The following RNF144A variants were observed in gnomAD, a reference collection of about 807,000 sequenced individuals.
RNF144A encodes ring finger protein 144A.
In RNF144A, 11 loss-of-function variants were observed where a neutral mutation model predicts 38.7. The ratio of observed to expected loss-of-function variants is 0.28; its 90% CI spans 0.18 to 0.47. RNF144A has a LOEUF of 0.47. RNF144A is among the 20% of genes least tolerant of loss of function. The pLI, the probability that RNF144A is intolerant of heterozygous loss-of-function variation, is 0.99. For missense variants in RNF144A, 316 were observed against 377.2 expected (o/e 0.84, Z 1.34); for synonymous variants, 149 against 143.9 (o/e 1.04, Z -0.25).
rs1666192103 is a variant in RNF144A at position 6,944,159 on chromosome 2, A to C, written c.-12+3012A>C. On this transcript the variant is annotated intron_variant, in intron 2 of 8. Coordinates refer to ENST00000320892, the MANE Select transcript of RNF144A (RefSeq NM_014746.6). The surrounding 1 kb of genome is among the most constrained non-coding windows in gnomAD (Gnocchi z 4.7). ...GGACAGCGGGTCTGAGGGAGGAAGG[A>C]GCAGAGGAGGAGCCATTGGAGATGC... is the stretch of plus-strand genomic sequence containing the variant. Among the ~76,000 whole-genome samples, 1 of 152,090 alleles carries C rather than the reference A, an allele frequency of 6.6e-6. No individual in the cohort carries two copies. The highest frequency in any genetic ancestry group is 2.1e-4 in the South Asian group (1 of 4,822).
At chr2:6,925,809 A>G (rs1233679951) in intron 1 of RNF144A, among the ~76,000 whole-genome samples, 1 of 152,170 alleles carries the variant, frequency 6.6e-6, no homozygotes, top group Non-Finnish European at 1.5e-5. Flanking sequence ...ATTCATAAGC[A>G]TCAGGGGTTA....
In RNF144A at chr2:7,043,297, C is replaced by A. The variant is rs549019551; in HGVS notation, c.*3537C>A. ...ACTATCAGAGATGCAAAAATTACTT[C>A]AAGATGAGTTTATTGTTTTCATTTG... is the stretch of plus-strand genomic sequence containing the variant. On this transcript the variant is annotated 3_prime_UTR_variant, in exon 9 of 9. Transcript: ENST00000320892. 1 of 985,176 alleles carries A rather than the reference C, an allele frequency of 1.0e-6. No homozygotes were observed. The highest frequency in any genetic ancestry group is 1.1e-4 in the East Asian group (1 of 8,814). 61.0% of individuals were successfully genotyped at this position (985,176 alleles called of 1,614,324 possible). A position where few individuals can be genotyped will look rare whatever the true frequency, so the allele number is the denominator to read the frequency against.
At chr2:7,030,536 C>T (rs1013698225) in intron 8 of RNF144A, among the ~76,000 whole-genome samples, 8 of 151,954 alleles carry the variant, frequency 5.3e-5, no homozygotes, top group African/African-American at 1.7e-4. Context: ...ACCTGCTGAC[C>T]GTGTTTAGGT....
chr2:7,053,871 A>G (rs1673622320), intron 6 of RNF144A, among the ~76,000 whole-genome samples: 1 of 152,220 alleles, frequency 6.6e-6, no homozygotes, highest in Non-Finnish European at 1.5e-5. Flanking sequence ...CATTTGAGAA[A>G]GATATAACTG....
chr2:7,049,760 G>A (rs1673444804), intron 6 of RNF144A, among the ~76,000 whole-genome samples: 1 of 152,210 alleles, frequency 6.6e-6, no homozygotes, highest in Non-Finnish European at 1.5e-5. Context: ...CCAATTAGGA[G>A]ATGAAGACGA....
intron 1 of RNF144A, among the ~76,000 whole-genome samples, chr2:6,920,313 A>G (rs969488456): frequency 6.6e-6 from 1 of 152,194 alleles, no homozygotes; most frequent in Non-Finnish European, 1.5e-5. Context: ...CACCTGGCCT[A>G]TGAACCCTTG....
At chr2:6,993,634 G>A (rs533243478) in intron 2 of RNF144A, among the ~76,000 whole-genome samples, 6 of 152,150 alleles carry the variant, frequency 3.9e-5, no homozygotes, top group African/African-American at 7.2e-5. Context: ...TCTGGGTAAT[G>A]CGTTCTCGGG....
chr2:7,046,743 C>T (rs887917052), downstream of RNF144A, among the ~76,000 whole-genome samples: 5 of 152,098 alleles, frequency 3.3e-5, no homozygotes, highest in Non-Finnish European at 7.4e-5. Context: ...AGTGGTTGTG[C>T]GTACAGCCTG....
chr2:6,939,974 A>G (rs1335967956), intron 1 of RNF144A, among the ~76,000 whole-genome samples: 2 of 152,148 alleles, frequency 1.3e-5, no homozygotes, highest in Non-Finnish European at 2.9e-5. Flanking sequence ...GTAAGTTTTG[A>G]CATTAAGAAG....
At chr2:7,044,839 A>G (rs1673236094), downstream of RNF144A, among the ~76,000 whole-genome samples, 1 of 152,218 alleles carries the variant, frequency 6.6e-6, no homozygotes, top group Non-Finnish European at 1.5e-5. Context: ...CTACAGGTGC[A>G]CATTAAGGGA....
Position 6,962,885 on chromosome 2 carries a change from T to C in RNF144A, c.-12+21738T>C, listed in dbSNP as rs748755058. Among the ~76,000 whole-genome samples, 61 of 152,104 alleles carry C rather than the reference T, an allele frequency of 4.0e-4. 2 individuals carry two copies. The highest frequency in any genetic ancestry group is 2.0e-4 in the Admixed American group (3 of 15,266). Reference sequence around the variant, plus strand: ...TGCCATCATGATGCCAGTGTTGAATTTGTGGTGGTCTTTGAACTGTGATTG... The same window carrying C: ...TGCCATCATGATGCCAGTGTTGAATCTGTGGTGGTCTTTGAACTGTGATTG... On this transcript the variant is annotated intron_variant, in intron 2 of 8. Coordinates refer to ENST00000320892, the MANE Select transcript of RNF144A (RefSeq NM_014746.6). The surrounding 1 kb of genome is among the most constrained non-coding windows in gnomAD (Gnocchi z 4.1).
At position 6,923,765 on chromosome 2, in the gene RNF144A, T is replaced by C. The variant is rs149084653; in HGVS notation, c.-212+6143T>C. ...TCTCTCTCGTCTTCCCAGGCACAAA[T>C]GTTTTCCCCACCAGGTGCTTCCATA... On this transcript the variant is annotated intron_variant, in intron 1 of 8. Transcript: ENST00000320892. Among the ~76,000 whole-genome samples the C allele has an allele frequency of 2.4e-3, 363 of 151,618 alleles. 2 individuals are homozygous for C. Among genetic ancestry groups the C allele is most frequent in the African/African-American group, 8.6e-3 (355 of 41,272 alleles).
chr2:6,971,745 C>A (rs1288069399), intron 2 of RNF144A, among the ~76,000 whole-genome samples: 2 of 151,618 alleles, frequency 1.3e-5, no homozygotes, highest in Non-Finnish European at 2.9e-5. Context: ...ACTCCCTGGG[C>A]TCTCACTAGT....
intron 6 of RNF144A, among the ~76,000 whole-genome samples, chr2:7,060,519 C>T (rs953258630): frequency 1.8e-4 from 28 of 152,120 alleles, no homozygotes; most frequent in Non-Finnish European, 3.4e-4. Flanking sequence ...ATAACCTTTC[C>T]CCCTGGCAAA....
intron 1 of RNF144A, among the ~76,000 whole-genome samples, chr2:6,921,778 C>T (rs1399494561): frequency 6.6e-6 from 1 of 152,064 alleles, no homozygotes. Flanking sequence ...CCTGCTGGGG[C>T]GATGCTGTTG....
intron 8 of RNF144A, 44 bp downstream of exon 8, chr2:7,030,259 G>A: frequency 1.3e-5 from 1 of 76,444 alleles, no homozygotes; most frequent in Non-Finnish European, 2.0e-5. Context: ...GAGAGAGACT[G>A]TGTGTGTGTG....
At chr2:7,013,325 C>T (rs577322955) in intron 3 of RNF144A, among the ~76,000 whole-genome samples, 2 of 152,160 alleles carry the variant, frequency 1.3e-5, no homozygotes, top group Non-Finnish European at 2.9e-5. Context: ...GAAGGAATTG[C>T]AGTTGAATTT....
At chr2:7,067,815 A>G (rs1674295383) in intron 6 of RNF144A, among the ~76,000 whole-genome samples, 1 of 152,146 alleles carries the variant, frequency 6.6e-6, no homozygotes, top group Non-Finnish European at 1.5e-5. Flanking sequence ...TTGGGCTAAG[A>G]ACGCTGCTAA....
chr2:6,956,893 T>C (rs539840134), intron 2 of RNF144A, among the ~76,000 whole-genome samples: 8 of 152,366 alleles, frequency 5.3e-5, no homozygotes, highest in African/African-American at 1.9e-4. Context: ...TCTCAGACTG[T>C]AGAAAATCAT....
Sources: allele counts gnomAD v4.1 joint callset (sites outside exome capture counted in the v4.1 genomes callset), GRCh38; gene constraint gnomAD v4.1.1; non-coding constraint Gnocchi (gnomAD v3.1); transcripts MANE v1.5; gene names NCBI Gene and HGNC (gene_info 2026-07-23, HGNC 2026-07-21).